Variants in DENND1A observed in about 807,000 individuals in gnomAD.
DENND1A encodes DENN domain-containing protein 1A.
In DENND1A, 51 loss-of-function variants were observed where a neutral mutation model predicts 113.7. That is an observed-to-expected ratio of 0.45 (90% CI 0.36 to 0.57). The LOEUF is 0.57. Ranked by LOEUF, DENND1A falls within the 20% of genes least tolerant of loss-of-function variation. The pLI, the probability that DENND1A is intolerant of heterozygous loss-of-function variation, is 0.00. For synonymous variants in DENND1A, 565 were observed against 570.8 expected, an observed-to-expected ratio of 0.99 and a Z score of 0.14; for missense variants, 1,258 against 1,395.9, an observed-to-expected ratio of 0.90 and a Z score of 1.57.
chr9:123,716,868 C>T (rs970005473), intron 5 of DENND1A, among the ~76,000 whole-genome samples: 12 of 152,108 alleles, frequency 7.9e-5, no homozygotes, highest in African/African-American at 2.2e-4. Flanking sequence ...TTTATTTAAA[C>T]TCCTCAATAA....
In DENND1A at chr9:123,925,892, G is replaced by A. The variant is rs1276881569; in HGVS notation, c.17+3997C>T. Among the ~76,000 whole-genome samples the A allele has an allele frequency of 5.3e-5, 8 of 152,106 alleles. No individual in the cohort carries two copies. In the East Asian group the frequency reaches 9.6e-4, roughly 18 times the overall value. On this transcript the variant is annotated intron_variant, in intron 1 of 23. Transcript: ENST00000394215. ...TTTTCTCTGAGTCCATAAATGTCAC[G>A]TTTCTTCAAACTCACTTAGAAAACT...
intron 4 of DENND1A, among the ~76,000 whole-genome samples, chr9:123,762,674 T>C (rs1431843653): frequency 2.0e-5 from 3 of 152,224 alleles, no homozygotes; most frequent in Non-Finnish European, 4.4e-5. Flanking sequence ...TCTGTCTAGA[T>C]AGAGACAAGT....
At chr9:123,645,053 A>G (rs1451358762) in intron 9 of DENND1A, among the ~76,000 whole-genome samples, 1 of 152,240 alleles carries the variant, frequency 6.6e-6, no homozygotes, top group Non-Finnish European at 1.5e-5. Flanking sequence ...TTCCCTATTT[A>G]TCATTTATAA....
chr9:123,462,779 A>T (rs1342132902), intron 13 of DENND1A, among the ~76,000 whole-genome samples: 1 of 152,192 alleles, frequency 6.6e-6, no homozygotes, highest in Non-Finnish European at 1.5e-5. Context: ...CCTGGGCAAC[A>T]AGAGTGAAAC....
chr9:123,825,950 T>C (rs1436192458), intron 2 of DENND1A, among the ~76,000 whole-genome samples: 2 of 152,252 alleles, frequency 1.3e-5, no homozygotes, highest in African/African-American at 4.8e-5. Context: ...TTTCTTTTTC[T>C]GCTGCCATGA....
At chr9:123,840,483 T>C (rs1841668566) in intron 2 of DENND1A, among the ~76,000 whole-genome samples, 1 of 152,170 alleles carries the variant, frequency 6.6e-6, no homozygotes, top group South Asian at 2.1e-4. Context: ...GAATCAGTCA[T>C]ATATACATGG....
At chr9:123,389,104 A>G (rs959580964) in intron 21 of DENND1A, among the ~76,000 whole-genome samples, 1 of 152,246 alleles carries the variant, frequency 6.6e-6, no homozygotes, top group Non-Finnish European at 1.5e-5. Context: ...AAAAAAGGAC[A>G]TGAGAACCAC....
chr9:123,868,017 T>C (rs1171315051), intron 2 of DENND1A, among the ~76,000 whole-genome samples: 1 of 152,068 alleles, frequency 6.6e-6, no homozygotes, highest in Non-Finnish European at 1.5e-5. Context: ...AAAATATGAG[T>C]AGAAAACCTA....
chr9:123,902,542 C>T (rs1289300300), intron 1 of DENND1A, among the ~76,000 whole-genome samples: 1 of 152,158 alleles, frequency 6.6e-6, no homozygotes, highest in Non-Finnish European at 1.5e-5. Context: ...CATTCAACCA[C>T]CTGTGGCAAA....
At position 123,764,993 on chromosome 9, in the gene DENND1A, T is replaced by C. The variant is rs118171324; in HGVS notation, c.182+4521A>G. On this transcript the variant is annotated intron_variant, in intron 4 of 23. Transcript: ENST00000394215. The surrounding 1 kb of genome is among the most constrained non-coding windows in gnomAD (Gnocchi z 4.1). ...AAACCAAGGGACTTCAAGGGCCCAG[T>C]GGGTTCAGGTTTAGAAAGGAGAGCA... Among the ~76,000 whole-genome samples, 664 of 152,200 alleles carry C rather than the reference T, an allele frequency of 4.4e-3. 6 individuals carry two copies. Among genetic ancestry groups the C allele is most frequent in the Non-Finnish European group, 8.0e-3 (541 of 68,004 alleles).
intron 13 of DENND1A, among the ~76,000 whole-genome samples, chr9:123,552,019 G>A (rs1176898510): frequency 3.2e-5 from 4 of 124,220 alleles, no homozygotes; most frequent in Non-Finnish European, 4.8e-5. Context: ...GAGCGAGAGC[G>A]AGAGAGAGAG....
At chr9:123,872,255 TTACA>T (rs1846747297) in intron 2 of DENND1A, among the ~76,000 whole-genome samples, 1 of 152,152 alleles carries the variant, frequency 6.6e-6, no homozygotes, top group South Asian at 2.1e-4. Context: ...AGCATTTAAA[TTACA>T]TACATAAACT....
intron 13 of DENND1A, among the ~76,000 whole-genome samples, chr9:123,481,926 G>A (rs2050373945): frequency 6.6e-6 from 1 of 150,760 alleles, no homozygotes; most frequent in Admixed American, 6.6e-5. Context: ...TACCTGAGTA[G>A]CTGGGATTAC....
In DENND1A at chr9:123,498,498, C is replaced by T. The variant is rs553406778; in HGVS notation, c.994-40601G>A. Among the ~76,000 whole-genome samples the T allele has an allele frequency of 1.9e-4, 29 of 152,364 alleles. No individual in the cohort carries two copies. The East Asian group carries it at 5.6e-3, about 29-fold the overall frequency. On this transcript the variant is annotated intron_variant, in intron 13 of 23. Coordinates refer to ENST00000394215, the MANE Select transcript of DENND1A (RefSeq NM_001352964.2). ...ATTTCAATCCAGGTCTCTCTTATCT[C>T]TAAGCCCATTCTTTTACTCTGTACC...
At chr9:123,572,406 G>A (rs939836876) in intron 12 of DENND1A, among the ~76,000 whole-genome samples, 2 of 152,126 alleles carry the variant, frequency 1.3e-5, no homozygotes, top group African/African-American at 4.8e-5. Flanking sequence ...ACATACATAC[G>A]TTTTCCTTTT....
intron 2 of DENND1A, among the ~76,000 whole-genome samples, chr9:123,798,988 T>C (rs1834191715): frequency 1.3e-5 from 2 of 152,118 alleles, no homozygotes. Flanking sequence ...TCCCACTTTT[T>C]TGAATGAGTA....
intron 5 of DENND1A, among the ~76,000 whole-genome samples, chr9:123,704,148 A>C (rs1232499384): frequency 6.9e-6 from 1 of 144,558 alleles, no homozygotes; most frequent in Non-Finnish European, 1.5e-5. Context: ...CCGAAAAATA[A>C]AATGAAAAAA....
intron 12 of DENND1A, among the ~76,000 whole-genome samples, chr9:123,565,521 G>A (rs2058007525): frequency 6.6e-6 from 1 of 152,222 alleles, no homozygotes; most frequent in South Asian, 2.1e-4. Flanking sequence ...AGCAGCAGGT[G>A]TGGAGGGGCA....
At chr9:123,741,733 G>A (rs1443734847) in intron 5 of DENND1A, among the ~76,000 whole-genome samples, 3 of 152,180 alleles carry the variant, frequency 2.0e-5, no homozygotes, top group Non-Finnish European at 2.9e-5. Context: ...GCTCCAGAGT[G>A]AGTGGGTGCT....
Sources: gnomAD v4.1 joint callset for allele counts (sites outside exome capture counted in the v4.1 genomes callset) on GRCh38, gnomAD v4.1.1 for gene constraint, Gnocchi (gnomAD v3.1) non-coding constraint, MANE v1.5 for transcripts, NCBI Gene and HGNC (gene_info 2026-07-23, HGNC 2026-07-21) for gene names.